The following ZFAND6 variants were observed in gnomAD, a reference collection of about 807,000 sequenced individuals.
The protein encoded by ZFAND6 is zinc finger AN1-type containing 6, also known as AN1-type zinc finger protein 6.
ZFAND6 carries 12 observed loss-of-function variants against 24.5 expected under a neutral mutation model. The ratio of observed to expected loss-of-function variants is 0.49; its 90% CI spans 0.31 to 0.79. The LOEUF (loss-of-function observed/expected upper bound fraction) is 0.79, where lower values mean the gene tolerates loss of function less well. ZFAND6 is among the 30% of genes least tolerant of loss of function. ZFAND6 has a pLI of 0.04. For synonymous variants in ZFAND6, 92 were observed against 81.5 expected, an observed-to-expected ratio of 1.13 and a Z score of -0.69; for missense variants, 207 against 245.9, an observed-to-expected ratio of 0.84 and a Z score of 1.06.
intron 2 of ZFAND6, among the ~76,000 whole-genome samples, chr15:80,100,690 T>A (rs1314144983): frequency 1.3e-5 from 2 of 152,238 alleles, no homozygotes; most frequent in Non-Finnish European, 2.9e-5. Context: ...CTGTACGAAA[T>A]TCTGTCATTT....
At chr15:80,136,110 T>C (rs2142070449) in intron 6 of ZFAND6, among the ~76,000 whole-genome samples, 1 of 148,728 alleles carries the variant, frequency 6.7e-6, no homozygotes, top group East Asian at 2.0e-4. Flanking sequence ...TGAGTGACAG[T>C]GAGACCCTGT....
chr15:80,131,570 G>GTGGCT (rs2040604773), intron 6 of ZFAND6: 1 of 413,842 alleles, frequency 2.4e-6, no homozygotes, highest in African/African-American at 2.0e-5. Context: ...GGTCAAAGAT[G>GTGGCT]TGGCTCCTGC....
intron 1 of ZFAND6, among the ~76,000 whole-genome samples, chr15:80,081,617 T>A (rs1227203892): frequency 6.6e-6 from 1 of 152,262 alleles, no homozygotes; most frequent in Non-Finnish European, 1.5e-5. Context: ...TTGCCTCATC[T>A]GAACACAATT....
At chr15:80,113,038 C>CT (rs1432235858) in intron 2 of ZFAND6, among the ~76,000 whole-genome samples, 1 of 152,172 alleles carries the variant, frequency 6.6e-6, no homozygotes, top group Non-Finnish European at 1.5e-5. Context: ...TTGTGTAACA[C>CT]TTTGTGTTGC....
intron 1 of ZFAND6, among the ~76,000 whole-genome samples, chr15:80,070,333 A>G (rs1376187189): frequency 1.3e-5 from 2 of 152,198 alleles, no homozygotes; most frequent in East Asian, 3.8e-4. Context: ...GATGCTTAAA[A>G]AGTGTTGTTA....
At chr15:80,108,230 A>G (rs905944898) in intron 2 of ZFAND6, among the ~76,000 whole-genome samples, 2 of 152,330 alleles carry the variant, frequency 1.3e-5, no homozygotes, top group African/African-American at 4.8e-5. Flanking sequence ...GAATGACCAT[A>G]TATTAAACTT....
intron 2 of ZFAND6, among the ~76,000 whole-genome samples, chr15:80,117,835 C>T (rs1043376807): frequency 2.9e-5 from 4 of 139,016 alleles, no homozygotes; most frequent in Non-Finnish European, 6.2e-5. Context: ...GATAAGGCTT[C>T]ATCTATTTTT....
At chr15:80,100,953 G>A (rs116185355) in intron 2 of ZFAND6, among the ~76,000 whole-genome samples, 297 of 152,230 alleles carry the variant, frequency 2.0e-3, no homozygotes, top group African/African-American at 6.6e-3. Flanking sequence ...TTGCTACCTG[G>A]TGGGATATTG....
chr15:80,090,704 T>C (rs1225311767), intron 1 of ZFAND6, among the ~76,000 whole-genome samples: 2 of 152,178 alleles, frequency 1.3e-5, no homozygotes, highest in Non-Finnish European at 2.9e-5. Flanking sequence ...GAAAGAGTCA[T>C]ATTTGGGGGA....
chr15:80,135,742 C>T (rs191302154), intron 6 of ZFAND6, among the ~76,000 whole-genome samples: 1 of 152,280 alleles, frequency 6.6e-6, no homozygotes, highest in Admixed American at 6.5e-5. Flanking sequence ...CGGGACCAGC[C>T]TGGGCAACAT....
At chr15:80,131,073 T>C in intron 5 of ZFAND6, 107 bp from the exon 6 acceptor site, 1 of 800,142 alleles carries the variant, frequency 1.2e-6, no homozygotes, top group Non-Finnish European at 1.9e-6. Context: ...TTTTCTGTGC[T>C]AATAAATTCC....
intron 1 of ZFAND6, among the ~76,000 whole-genome samples, chr15:80,082,344 G>A (rs1285608699): frequency 6.6e-6 from 1 of 152,228 alleles, no homozygotes; most frequent in Non-Finnish European, 1.5e-5. Context: ...AGATGATAAT[G>A]CTAAGTTTAT....
intron 2 of ZFAND6, among the ~76,000 whole-genome samples, chr15:80,099,854 T>C (rs2038941921): frequency 6.6e-6 from 1 of 152,118 alleles, no homozygotes; most frequent in Non-Finnish European, 1.5e-5. Flanking sequence ...TGACCTCCAG[T>C]GATCTGCCTG....
chr15:80,077,700 T>TC (rs1555428238), intron 1 of ZFAND6, among the ~76,000 whole-genome samples: 25 of 141,914 alleles, frequency 1.8e-4, no homozygotes, highest in South Asian at 6.9e-4. Flanking sequence ...TTTCTTTCTT[T>TC]TTTTTTTTTT....
chr15:80,065,440 T>A (rs2036568912), intron 1 of ZFAND6, among the ~76,000 whole-genome samples: 1 of 152,024 alleles, frequency 6.6e-6, no homozygotes, highest in Non-Finnish European at 1.5e-5. Flanking sequence ...TGTTATTGTT[T>A]AAGTCTCCCC....
At chr15:80,100,615 A>G (rs2038979045) in intron 2 of ZFAND6, among the ~76,000 whole-genome samples, 1 of 152,214 alleles carries the variant, frequency 6.6e-6, no homozygotes. Context: ...AAACTCATCT[A>G]CTTTATTCCC....
chr15:80,073,106 A>G (rs1319759209), intron 1 of ZFAND6, among the ~76,000 whole-genome samples: 1 of 151,926 alleles, frequency 6.6e-6, no homozygotes, highest in East Asian at 1.9e-4. Flanking sequence ...TAACCCCAGC[A>G]CAGCACCCCT....
intron 1 of ZFAND6, among the ~76,000 whole-genome samples, chr15:80,066,845 C>T (rs866808308): frequency 4.0e-5 from 6 of 149,496 alleles, no homozygotes; most frequent in East Asian, 2.0e-4. Flanking sequence ...TGCAGTGAGC[C>T]GAGACTGCAC....
chr15:80,128,047 C>G (rs1410943454), intron 5 of ZFAND6, among the ~76,000 whole-genome samples: 1 of 152,090 alleles, frequency 6.6e-6, no homozygotes. Context: ...TATGAGTGAT[C>G]CTTGAAAATA....
Sources: allele counts gnomAD v4.1 joint callset (sites outside exome capture counted in the v4.1 genomes callset), GRCh38; gene constraint gnomAD v4.1.1; transcripts MANE v1.5; gene names NCBI Gene and HGNC (gene_info 2026-07-23, HGNC 2026-07-21).